The following SGCZ variants were observed in gnomAD, a reference collection of about 807,000 sequenced individuals.
SGCZ encodes the protein zeta-sarcoglycan.
SGCZ carries 40 observed loss-of-function variants against 41.3 expected under a neutral mutation model. That is an observed-to-expected ratio of 0.97 (90% confidence interval 0.75 to 1.26). The LOEUF is 1.26. SGCZ is among the 50% of genes most tolerant of loss of function. The probability of loss-of-function intolerance (pLI) is 0.00; values close to 1 mark genes in which losing one functional copy is unlikely to be tolerated. For missense variants in SGCZ, 552 were observed against 369.8 expected (o/e 1.49, Z -4.04); for synonymous variants, 206 against 137.5 (o/e 1.50, Z -3.49).
intron 1 of SGCZ, among the ~76,000 whole-genome samples, chr8:15,236,369 C>T (rs1174862093): frequency 6.6e-6 from 1 of 151,922 alleles, no homozygotes; most frequent in African/African-American, 2.4e-5. Context: ...TGCAGCCTGC[C>T]TAGCTTGTCG....
intron 2 of SGCZ, among the ~76,000 whole-genome samples, chr8:14,331,888 C>A (rs1002577517): frequency 6.6e-6 from 1 of 151,552 alleles, no homozygotes; most frequent in Non-Finnish European, 1.5e-5. Context: ...CCAAAATTTT[C>A]TCTACTGATA....
intron 2 of SGCZ, among the ~76,000 whole-genome samples, chr8:14,522,990 G>T (rs535752498): frequency 6.6e-6 from 1 of 151,664 alleles, no homozygotes; most frequent in African/African-American, 2.4e-5. Flanking sequence ...TATTTTGGAG[G>T]TTACTCTGAA....
At chr8:14,512,084 C>A (rs983729477) in intron 2 of SGCZ, among the ~76,000 whole-genome samples, 2 of 152,096 alleles carry the variant, frequency 1.3e-5, no homozygotes, top group Middle Eastern at 3.2e-3. Flanking sequence ...ATAACTGACA[C>A]CATGAAAACT....
chr8:14,459,707 C>T (rs1446300585), intron 2 of SGCZ, among the ~76,000 whole-genome samples: 3 of 152,020 alleles, frequency 2.0e-5, no homozygotes, highest in Non-Finnish European at 2.9e-5. Flanking sequence ...AGTAATAAAA[C>T]ATGTATATTT....
intron 2 of SGCZ, among the ~76,000 whole-genome samples, chr8:14,544,871 C>G (rs1306918547): frequency 6.6e-6 from 1 of 152,104 alleles, no homozygotes; most frequent in Non-Finnish European, 1.5e-5. Context: ...TTGTCCTGTT[C>G]CCTCAGAAGC....
At chr8:14,505,337 G>T (rs1268657928) in intron 2 of SGCZ, among the ~76,000 whole-genome samples, 1 of 152,086 alleles carries the variant, frequency 6.6e-6, no homozygotes, top group Non-Finnish European at 1.5e-5. Flanking sequence ...ATGCCCCAGA[G>T]TAAAGAGCGC....
chr8:14,997,122 C>A (rs574265759), intron 1 of SGCZ, among the ~76,000 whole-genome samples: 1 of 152,182 alleles, frequency 6.6e-6, no homozygotes, highest in East Asian at 1.9e-4. Flanking sequence ...ATTTACTCCA[C>A]GATTGCATAT....
chr8:14,463,713 A>G (rs1800968784), intron 2 of SGCZ, among the ~76,000 whole-genome samples: 1 of 151,764 alleles, frequency 6.6e-6, no homozygotes, highest in Non-Finnish European at 1.5e-5. Flanking sequence ...ACCTAAAAGT[A>G]AAAGCATTTA....
At chr8:15,113,923 A>C (rs1282463859) in intron 1 of SGCZ, among the ~76,000 whole-genome samples, 3 of 152,082 alleles carry the variant, frequency 2.0e-5, no homozygotes, top group African/African-American at 7.2e-5. Flanking sequence ...CCATCTGCCA[A>C]ATGGGCTTTT....
At chr8:15,013,335 A>C (rs1324052659) in intron 1 of SGCZ, among the ~76,000 whole-genome samples, 1 of 152,178 alleles carries the variant, frequency 6.6e-6, no homozygotes, top group Non-Finnish European at 1.5e-5. Flanking sequence ...TGGAATCATA[A>C]AGTTGTTATG....
intron 1 of SGCZ, among the ~76,000 whole-genome samples, chr8:15,154,624 T>C (rs188833974): frequency 3.4e-3 from 517 of 152,296 alleles, no homozygotes; most frequent in Admixed American, 7.6e-3. Flanking sequence ...GAGTTGTAAG[T>C]AACAGGTGAT....
chr8:14,736,258 A>G (rs909409393), intron 1 of SGCZ, among the ~76,000 whole-genome samples: 14 of 152,146 alleles, frequency 9.2e-5, no homozygotes, highest in Non-Finnish European at 1.6e-4. Context: ...CTTAGAGCCA[A>G]CACAGCACCA....
chr8:14,253,811 A>C (rs1451757178), intron 3 of SGCZ, among the ~76,000 whole-genome samples: 2 of 152,110 alleles, frequency 1.3e-5, no homozygotes. Flanking sequence ...TCTAATAAAC[A>C]TTAGCAAATA....
intron 1 of SGCZ, among the ~76,000 whole-genome samples, chr8:14,995,530 C>T (rs182178020): frequency 6.6e-6 from 1 of 152,082 alleles, no homozygotes; most frequent in South Asian, 2.1e-4. Flanking sequence ...TTAGTGAGAT[C>T]AGTTTTGGGC....
chr8:14,186,716 G>C (rs1804914766), intron 4 of SGCZ, among the ~76,000 whole-genome samples: 2 of 152,188 alleles, frequency 1.3e-5, no homozygotes, highest in Non-Finnish European at 2.9e-5. Context: ...TCAAATGAAA[G>C]CTTTATTTGC....
intron 2 of SGCZ, among the ~76,000 whole-genome samples, chr8:14,510,895 T>C (rs767286941): frequency 2.0e-5 from 3 of 152,204 alleles, no homozygotes; most frequent in South Asian, 2.1e-4. Flanking sequence ...TTTTGCAATA[T>C]AGGCATCAAT....
At chr8:14,303,624 G>C (rs1470107385) in intron 3 of SGCZ, among the ~76,000 whole-genome samples, 1 of 152,028 alleles carries the variant, frequency 6.6e-6, no homozygotes, top group Admixed American at 6.6e-5. Flanking sequence ...AAAACTTCCA[G>C]CAAAGCCTAA....
intron 1 of SGCZ, among the ~76,000 whole-genome samples, chr8:14,563,030 T>C (rs1043460793): frequency 1.3e-5 from 2 of 152,150 alleles, no homozygotes; most frequent in Non-Finnish European, 2.9e-5. Flanking sequence ...TATACACTAT[T>C]ATGCTGACAT....
intron 2 of SGCZ, among the ~76,000 whole-genome samples, chr8:14,370,856 C>G (rs528865264): frequency 6.6e-6 from 1 of 151,960 alleles, no homozygotes; most frequent in Admixed American, 6.6e-5. Flanking sequence ...AATACAATGG[C>G]AGCTTGCATT....
Sources: allele counts gnomAD v4.1 joint callset (sites outside exome capture counted in the v4.1 genomes callset), GRCh38; gene constraint gnomAD v4.1.1; transcripts MANE v1.5; gene names NCBI Gene and HGNC (gene_info 2026-07-23, HGNC 2026-07-21).